Variants in MGMT observed in about 807,000 individuals in gnomAD.
MGMT encodes O-6-methylguanine-DNA methyltransferase.
Under a neutral mutation model 15.9 loss-of-function variants are expected in MGMT, and 14 were observed. The observed-to-expected ratio is 0.88, with a 90% CI of 0.58 to 1.37. The LOEUF (loss-of-function observed/expected upper bound fraction) is 1.37. Ranked by LOEUF, MGMT falls within the 40% of genes most tolerant of loss-of-function variation. The pLI is 0.00. For synonymous variants in MGMT, 130 were observed against 118.2 expected, an observed-to-expected ratio of 1.10 and a Z score of -0.65; for missense variants, 282 against 268.1, an observed-to-expected ratio of 1.05 and a Z score of -0.36.
intron 2 of MGMT, among the ~76,000 whole-genome samples, chr10:129,585,795 A>G (rs941687365): frequency 2.6e-5 from 4 of 152,156 alleles, no homozygotes; most frequent in African/African-American, 9.7e-5. Flanking sequence ...CTTTTCCTAC[A>G]CATACATCCC....
intron 2 of MGMT, among the ~76,000 whole-genome samples, chr10:129,682,831 T>A (rs537620631): frequency 1.3e-5 from 2 of 152,306 alleles, no homozygotes; most frequent in East Asian, 1.9e-4. Context: ...TTTAAAAAAA[T>A]TTGTGCCTTT....
At chr10:129,748,640 AC>A (rs1215747141) in intron 3 of MGMT, among the ~76,000 whole-genome samples, 1 of 152,224 alleles carries the variant, frequency 6.6e-6, no homozygotes. Flanking sequence ...TTGACAGACC[AC>A]AGAAGTAGCT....
At chr10:129,729,370 T>C (rs933167268) in intron 3 of MGMT, among the ~76,000 whole-genome samples, 15 of 152,160 alleles carry the variant, frequency 9.9e-5, no homozygotes, top group African/African-American at 2.7e-4. Flanking sequence ...CCTCAATGAC[T>C]TTGCAAGCAC....
chr10:129,492,543 T>C (rs1168046767), intron 1 of MGMT, among the ~76,000 whole-genome samples: 2 of 152,140 alleles, frequency 1.3e-5, no homozygotes, highest in Non-Finnish European at 2.9e-5. Context: ...GATAGCAAAT[T>C]GATTGCACTT....
chr10:129,672,596 C>G (rs1430987068), intron 2 of MGMT, among the ~76,000 whole-genome samples: 1 of 152,122 alleles, frequency 6.6e-6, no homozygotes, highest in Non-Finnish European at 1.5e-5. Flanking sequence ...CATTAGTTTT[C>G]TTTGCTACTG....
intron 1 of MGMT, among the ~76,000 whole-genome samples, chr10:129,496,611 G>T (rs1019149726): frequency 1.3e-5 from 2 of 152,100 alleles, no homozygotes; most frequent in African/African-American, 2.4e-5. Flanking sequence ...CTGGGCCGGG[G>T]TCTCTGGGAT....
intron 1 of MGMT, among the ~76,000 whole-genome samples, chr10:129,510,331 A>G (rs941496274): frequency 1.3e-5 from 2 of 152,202 alleles, no homozygotes; most frequent in African/African-American, 4.8e-5. Flanking sequence ...AAATGTTGGA[A>G]GATGTTGAAC....
At chr10:129,619,439 C>T (rs1012873501) in intron 2 of MGMT, among the ~76,000 whole-genome samples, 5 of 152,038 alleles carry the variant, frequency 3.3e-5, no homozygotes, top group South Asian at 2.1e-4. Context: ...TTACGAATTA[C>T]GGGATACTGG....
At chr10:129,494,420 C>T (rs1051648440) in intron 1 of MGMT, among the ~76,000 whole-genome samples, 33 of 152,206 alleles carry the variant, frequency 2.2e-4, no homozygotes, top group African/African-American at 7.5e-4. Flanking sequence ...CCACTTGCTG[C>T]GTGTCAGCCG....
chr10:129,758,247 G>A (rs1186407949), intron 3 of MGMT, among the ~76,000 whole-genome samples: 1 of 152,184 alleles, frequency 6.6e-6, no homozygotes, highest in African/African-American at 2.4e-5. Flanking sequence ...GGCACCAAGT[G>A]TAATTAGTGT....
chr10:129,660,610 C>T lies in MGMT; in HGVS notation c.126-47285C>T, dbSNP rs1199159899. Among the ~76,000 whole-genome samples, 4 of 152,160 alleles carry T rather than the reference C, an allele frequency of 2.6e-5. No individual in the cohort carries two copies. In the East Asian group the frequency reaches 5.8e-4, roughly 22 times the overall value. ...ATGCTGAGGGACATGGAGCCCTCCA[C>T]CATTATCTGAATTGATTCCATCTTT... On this transcript the variant is annotated intron_variant, in intron 2 of 4. Transcript: ENST00000651593.
At chr10:129,559,717 AAG>A (rs1368169394) in intron 2 of MGMT, among the ~76,000 whole-genome samples, 3 of 152,210 alleles carry the variant, frequency 2.0e-5, no homozygotes, top group Non-Finnish European at 4.4e-5. Flanking sequence ...AAAACTGAAT[AAG>A]AGTAAAGTTT....
At chr10:129,742,913 C>T (rs1324288145) in intron 3 of MGMT, among the ~76,000 whole-genome samples, 3 of 151,940 alleles carry the variant, frequency 2.0e-5, no homozygotes, top group African/African-American at 7.3e-5. Flanking sequence ...CACTGCCCCA[C>T]CACCGCAGCT....
intron 2 of MGMT, among the ~76,000 whole-genome samples, chr10:129,683,946 A>G (rs1343981079): frequency 1.3e-5 from 2 of 152,318 alleles, no homozygotes; most frequent in East Asian, 3.9e-4. Context: ...CAGTACCTCC[A>G]GCCCCCATCA....
chr10:129,654,123 C>T (rs112186060), intron 2 of MGMT, among the ~76,000 whole-genome samples: 1 of 152,094 alleles, frequency 6.6e-6, no homozygotes, highest in Admixed American at 6.6e-5. Flanking sequence ...CTCGCCGACC[C>T]CCGCCTTGCA....
chr10:129,563,135 G>A (rs1011505350), intron 2 of MGMT, among the ~76,000 whole-genome samples: 1 of 152,214 alleles, frequency 6.6e-6, no homozygotes, highest in African/African-American at 2.4e-5. Flanking sequence ...GGCGTTTGGT[G>A]TATTGAATGT....
chr10:129,472,042 G>A (rs898044515), intron 1 of MGMT, among the ~76,000 whole-genome samples: 1 of 152,190 alleles, frequency 6.6e-6, no homozygotes, highest in Non-Finnish European at 1.5e-5. Flanking sequence ...CGCGAAGCAC[G>A]GGCAACCCGT....
chr10:129,536,119 A>G, intron 1 of MGMT, 122 bp from the exon 2 acceptor site: 8 of 1,179,218 alleles, frequency 6.8e-6, no homozygotes, highest in Non-Finnish European at 9.6e-6. Context: ...GTATAATTCC[A>G]AAAATGAGGA....
intron 3 of MGMT, among the ~76,000 whole-genome samples, chr10:129,738,545 A>G (rs1006379064): frequency 2.0e-5 from 3 of 152,244 alleles, no homozygotes; most frequent in Non-Finnish European, 4.4e-5. Context: ...GCTGTAGACC[A>G]GAGCTGTTCC....
Sources: allele counts gnomAD v4.1 joint callset (sites outside exome capture counted in the v4.1 genomes callset), GRCh38; gene constraint gnomAD v4.1.1; transcripts MANE v1.5; gene names NCBI Gene and HGNC (gene_info 2026-07-23, HGNC 2026-07-21).